SMYD3: variants seen among roughly 807,000 people sequenced by gnomAD.
The protein encoded by SMYD3 is SET and MYND domain containing 3, also known as histone-lysine N-methyltransferase SMYD3.
Under a neutral mutation model 57.7 loss-of-function variants are expected in SMYD3, and 36 were observed. That is an observed-to-expected ratio of 0.62 (90% CI 0.48 to 0.82). The LOEUF (loss-of-function observed/expected upper bound fraction) is 0.82. SMYD3 is among the 40% of genes least tolerant of loss of function. The pLI, the probability that SMYD3 is intolerant of heterozygous loss-of-function variation, is 0.00. For synonymous variants in SMYD3, 211 were observed against 195.0 expected (o/e 1.08, Z -0.68); for missense variants, 515 against 538.8 (o/e 0.96, Z 0.44).
At position 246,376,244 on chromosome 1, in the gene SMYD3, C is replaced by T. The variant is rs573211961; in HGVS notation, c.165-21150G>A. Among the ~76,000 whole-genome samples, 23 of 152,030 alleles carry T rather than the reference C, an allele frequency of 1.5e-4. 1 individual carries two copies. Among genetic ancestry groups the T allele is most frequent in the African/African-American group, 4.6e-4 (19 of 41,456 alleles). ...TCTTGCTATTTCATATTGATAGAACCGATCTTATGTTCATATTGATGGACA... is the reference window on the plus strand; with the variant it reads ...TCTTGCTATTTCATATTGATAGAACTGATCTTATGTTCATATTGATGGACA... On this transcript the variant is annotated intron_variant, in intron 1 of 11. Transcript: ENST00000490107.
intron 5 of SMYD3, among the ~76,000 whole-genome samples, chr1:246,101,265 T>G (rs938146223): frequency 6.6e-6 from 1 of 152,124 alleles, no homozygotes; most frequent in Non-Finnish European, 1.5e-5. Context: ...TTCCTAGGGC[T>G]AAAGTCAGAA....
chr1:245,942,717 T>C (rs921870440), intron 5 of SMYD3, among the ~76,000 whole-genome samples: 1 of 152,170 alleles, frequency 6.6e-6, no homozygotes, highest in African/African-American at 2.4e-5. Context: ...TGATCCCTTC[T>C]AATTGTTTTA....
chr1:245,864,076 A>C (rs2051695254), intron 8 of SMYD3, among the ~76,000 whole-genome samples, 190 bp from the exon 9 acceptor site: 1 of 152,242 alleles, frequency 6.6e-6, no homozygotes, highest in South Asian at 2.1e-4. Flanking sequence ...CCATGGCTAT[A>C]ATCAAAAAGA....
At chr1:245,829,368 GT>G (rs1037030127) in intron 10 of SMYD3, among the ~76,000 whole-genome samples, 2 of 152,064 alleles carry the variant, frequency 1.3e-5, no homozygotes, top group Admixed American at 1.3e-4. Flanking sequence ...TTCTCCTGAG[GT>G]TCCACACTAG....
At chr1:246,342,371 GT>G (rs2065646342) in intron 2 of SMYD3, among the ~76,000 whole-genome samples, 1 of 152,126 alleles carries the variant, frequency 6.6e-6, no homozygotes, top group Admixed American at 6.5e-5. Context: ...ATACTCGACA[GT>G]TTTCCATTTA....
In SMYD3 at chr1:246,079,201, C is replaced by T. The variant is rs2060597223; in HGVS notation, c.532-149264G>A. Among the ~76,000 whole-genome samples, 4 of 152,174 alleles carry T rather than the reference C, an allele frequency of 2.6e-5. No homozygotes were observed. The South Asian group carries it at 8.3e-4, about 32-fold the overall frequency. ...ACAGAGCAGATTCACATCATATGTA[C>T]AGCTTCACTGGGAATCCTTCATCCC... On this transcript the variant is annotated intron_variant, in intron 5 of 11. Transcript: ENST00000490107.
At chr1:245,980,558 T>C (rs2058570409) in intron 5 of SMYD3, among the ~76,000 whole-genome samples, 1 of 152,250 alleles carries the variant, frequency 6.6e-6, no homozygotes, top group South Asian at 2.1e-4. Context: ...GTTTCCTTTC[T>C]GCTTATCACA....
At position 246,258,552 on chromosome 1, in the gene SMYD3, T is replaced by G. The variant is rs2148515824; in HGVS notation, c.531+68649A>C. 2.0e-5 allele frequency among the ~76,000 whole-genome samples: 3 copies of G among 152,314 alleles called. No homozygotes were observed. The South Asian group carries it at 6.2e-4, about 32-fold the overall frequency. On this transcript the variant is annotated intron_variant, in intron 5 of 11. Transcript: ENST00000490107. ...AAATGCTGAAAATAGCCCCCCCAAC[T>G]CACTTTGCTTGTAAAGTTTCTGCTG...
At chr1:246,153,047 A>C (rs1224921478) in intron 5 of SMYD3, among the ~76,000 whole-genome samples, 2 of 152,178 alleles carry the variant, frequency 1.3e-5, no homozygotes, top group Admixed American at 6.5e-5. Flanking sequence ...TTGTAGCTGC[A>C]TGGGGCCCAG....
intron 1 of SMYD3, among the ~76,000 whole-genome samples, chr1:246,363,302 G>A (rs1315093973): frequency 6.8e-6 from 1 of 147,996 alleles, no homozygotes; most frequent in Non-Finnish European, 1.5e-5. Flanking sequence ...GAGGTGGGGG[G>A]GTCAGCCCCC....
chr1:245,894,526 C>T (rs960813289), intron 8 of SMYD3, among the ~76,000 whole-genome samples: 7 of 152,212 alleles, frequency 4.6e-5, no homozygotes, highest in East Asian at 1.9e-4. Flanking sequence ...TAACACTCAC[C>T]GCAAAGGTCC....
At chr1:246,361,364 A>G (rs766498297) in intron 1 of SMYD3, among the ~76,000 whole-genome samples, 2 of 152,226 alleles carry the variant, frequency 1.3e-5, no homozygotes, top group Non-Finnish European at 2.9e-5. Flanking sequence ...GTAAACCAGT[A>G]CAACCACTAT....
In SMYD3 at chr1:246,263,105, G is replaced by C. The variant is rs1473081658; in HGVS notation, c.531+64096C>G. On this transcript the variant is annotated intron_variant, in intron 5 of 11. Transcript: ENST00000490107. Reference sequence around the variant, plus strand: ...TTGGTACATGTACTCAAGGCACAATGCATAGTGTTGACCAAAAAGCAAAAG... The same window carrying C: ...TTGGTACATGTACTCAAGGCACAATCCATAGTGTTGACCAAAAAGCAAAAG... Among the ~76,000 whole-genome samples, 4 of 152,172 alleles carry C rather than the reference G, an allele frequency of 2.6e-5. No homozygotes were observed. In the East Asian group the frequency reaches 7.7e-4, roughly 29 times the overall value.
rs373106801 is a variant in SMYD3, at chr1:246,002,172, T to C, written c.532-72235A>G. Among the ~76,000 whole-genome samples the C allele has an allele frequency of 5.3e-5, 8 of 152,204 alleles. No individual in the cohort carries two copies. In the East Asian group the frequency reaches 5.8e-4, roughly 11 times the overall value. On this transcript the variant is annotated intron_variant, in intron 5 of 11. Coordinates refer to ENST00000490107, the MANE Select transcript of SMYD3 (RefSeq NM_001167740.2). Reference sequence around the variant, plus strand: ...GGAGACTCCGGTCTGACGGGCAAGATGACCACCTCCTTTTTATTTTATTAT... The same window carrying C: ...GGAGACTCCGGTCTGACGGGCAAGACGACCACCTCCTTTTTATTTTATTAT...
intron 7 of SMYD3, among the ~76,000 whole-genome samples, chr1:245,916,218 C>A (rs923664623): frequency 6.6e-6 from 1 of 152,096 alleles, no homozygotes; most frequent in African/African-American, 2.4e-5. Context: ...GAGAGTACCA[C>A]CACTGATGGA....
At chr1:246,169,630 C>A (rs996799469) in intron 5 of SMYD3, among the ~76,000 whole-genome samples, 1 of 151,894 alleles carries the variant, frequency 6.6e-6, no homozygotes. Flanking sequence ...ACAGCAAGGC[C>A]GGGTGCGGTG....
chr1:246,193,379 CT>C lies in SMYD3; in HGVS notation c.531+133821del, dbSNP rs144138601. The stretch of plus-strand genomic sequence containing the variant: ...CATAAAAAGCAAAATTACCAACTAT[CT>C]GGAGATTTAAATTAGACTGTACTGA... On this transcript the variant is annotated intron_variant, in intron 5 of 11. Coordinates refer to ENST00000490107, the MANE Select transcript of SMYD3 (RefSeq NM_001167740.2). 5.2e-3 allele frequency among the ~76,000 whole-genome samples: 790 copies of C among 152,334 alleles called. 10 individuals carry two copies. Among genetic ancestry groups the C allele is most frequent in the East Asian group, 0.047 (246 of 5,194 alleles).
intron 5 of SMYD3, among the ~76,000 whole-genome samples, chr1:246,234,388 T>C (rs1358032160): frequency 6.6e-5 from 10 of 152,096 alleles, no homozygotes; most frequent in African/African-American, 2.2e-4. Flanking sequence ...GATGAACATA[T>C]ACCACACAGA....
chr1:246,346,937 C>A (rs1320312900), intron 2 of SMYD3, among the ~76,000 whole-genome samples: 1 of 152,054 alleles, frequency 6.6e-6, no homozygotes, highest in African/African-American at 2.4e-5. Context: ...GAAAAGGAGA[C>A]AGCATGCAAG....
Sources: gnomAD v4.1 joint callset for allele counts (sites outside exome capture counted in the v4.1 genomes callset) on GRCh38, gnomAD v4.1.1 for gene constraint, MANE v1.5 for transcripts, NCBI Gene and HGNC (gene_info 2026-07-23, HGNC 2026-07-21) for gene names.